DGCR2: variants seen among roughly 807,000 people sequenced by gnomAD.
The protein encoded by DGCR2 is DiGeorge syndrome critical region gene 2, also known as integral membrane protein DGCR2/IDD.
DGCR2 carries 24 observed loss-of-function variants against 51.6 expected under a neutral mutation model. That is an observed-to-expected ratio of 0.47 (90% CI 0.34 to 0.65). DGCR2 has a LOEUF of 0.65. Among genes scored for constraint, DGCR2 ranks in the 30% least tolerant of loss-of-function variants. The pLI is 0.01. For missense variants in DGCR2, 765 were observed against 772.1 expected, an observed-to-expected ratio of 0.99 and a Z score of 0.11; for synonymous variants, 340 against 315.4, an observed-to-expected ratio of 1.08 and a Z score of -0.82.
chr22:19,062,911 T>C (rs569482276), intron 5 of DGCR2, among the ~76,000 whole-genome samples: 1 of 151,996 alleles, frequency 6.6e-6, no homozygotes, highest in Non-Finnish European at 1.5e-5. Context: ...TGCATGCTCA[T>C]TTTTATACTC....
At chr22:19,052,310 G>A (rs1045708050) in intron 6 of DGCR2, among the ~76,000 whole-genome samples, 21 of 152,146 alleles carry the variant, frequency 1.4e-4, no homozygotes, top group African/African-American at 4.8e-4. Flanking sequence ...CAGCTACTCG[G>A]GAGGCTGAGA....
At chr22:19,062,678 GGGAATGTAAA>G in intron 5 of DGCR2, among the ~76,000 whole-genome samples, 1 of 151,790 alleles carries the variant, frequency 6.6e-6, no homozygotes, top group South Asian at 2.1e-4. Flanking sequence ...TCCGAGCCCA[GGGAATGTAAA>G]GGAAACAGCA....
At position 19,038,020 on chromosome 22, in the gene DGCR2, C is replaced by T. The variant is rs535517103; in HGVS notation, c.*845G>A. 2 of 152,860 alleles carry T rather than the reference C, an allele frequency of 1.3e-5. No individual in the cohort carries two copies. The highest frequency in any genetic ancestry group is 4.8e-5 in the African/African-American group (2 of 41,558). The allele number at this position is 152,860 out of a possible 1,614,324, so 9.5% of individuals were successfully genotyped here. On this transcript the variant is annotated 3_prime_UTR_variant, in exon 10 of 10. Coordinates refer to ENST00000263196, the MANE Select transcript of DGCR2 (RefSeq NM_005137.3). The stretch of plus-strand genomic sequence containing the variant: ...AACAGGAGGCAAGAGCCCAGGGCTC[C>T]AGAGTGGAGAGACAGGAGGCAGCTC...
intron 5 of DGCR2, among the ~76,000 whole-genome samples, chr22:19,062,800 C>CTA (rs2082692755): frequency 1.4e-5 from 2 of 146,030 alleles, no homozygotes; most frequent in East Asian, 1.9e-4. Context: ...CTCTCTCTCT[C>CTA]TCTCTCTATC....
intron 2 of DGCR2, among the ~76,000 whole-genome samples, chr22:19,082,411 A>G (rs2082949855): frequency 6.6e-6 from 1 of 151,888 alleles, no homozygotes; most frequent in Non-Finnish European, 1.5e-5. Flanking sequence ...TAGCAAATTC[A>G]GTCATTTTTA....
intron 2 of DGCR2, among the ~76,000 whole-genome samples, chr22:19,070,569 T>G (rs755075437): frequency 3.3e-5 from 5 of 152,188 alleles, no homozygotes; most frequent in African/African-American, 1.2e-4. Context: ...GGGACAGTGC[T>G]GCCAGGTCAC....
chr22:19,095,883 C>T (rs1046499085), intron 1 of DGCR2, among the ~76,000 whole-genome samples: 2 of 152,158 alleles, frequency 1.3e-5, no homozygotes, highest in African/African-American at 2.4e-5. Context: ...TAAATTGAAT[C>T]ATGGCCCACC....
At chr22:19,042,397 C>G (rs930687358) in intron 7 of DGCR2, among the ~76,000 whole-genome samples, 1 of 152,238 alleles carries the variant, frequency 6.6e-6, no homozygotes, top group Non-Finnish European at 1.5e-5. Flanking sequence ...CCAACAGCAG[C>G]CTTCCTTTTG....
At chr22:19,043,550 G>T (rs1319196492) in intron 7 of DGCR2, among the ~76,000 whole-genome samples, 1 of 152,312 alleles carries the variant, frequency 6.6e-6, no homozygotes, top group East Asian at 1.9e-4. Context: ...CCCAGAAGTA[G>T]CTTCCTCCAC....
At chr22:19,079,734 T>C (rs773680394) in intron 2 of DGCR2, among the ~76,000 whole-genome samples, 17 of 152,250 alleles carry the variant, frequency 1.1e-4, no homozygotes, top group Admixed American at 5.2e-4. Flanking sequence ...CAGTAAGTGG[T>C]GAAAGCAGGG....
chr22:19,106,122 C>T (rs2083259130), intron 1 of DGCR2, among the ~76,000 whole-genome samples: 1 of 152,140 alleles, frequency 6.6e-6, no homozygotes, highest in African/African-American at 2.4e-5. Flanking sequence ...GCTCCTGGCC[C>T]GTGCAACCCT....
At chr22:19,063,353 G>GT (rs2082708902) in intron 4 of DGCR2, 75 bp from the exon 5 acceptor site, 6 of 1,449,292 alleles carry the variant, frequency 4.1e-6, no homozygotes, top group African/African-American at 1.4e-5. Context: ...TGTGTTTTTT[G>GT]TTTTTTGAGA....
intron 8 of DGCR2, 123 bp downstream of exon 8, chr22:19,041,681 CCCA>C: frequency 8.9e-7 from 1 of 1,121,950 alleles, no homozygotes; most frequent in Non-Finnish European, 1.3e-6. Context: ...GGACACAGAC[CCCA>C]CAACATGTGG....
At chr22:19,101,201 G>A (rs923178048) in intron 1 of DGCR2, among the ~76,000 whole-genome samples, 8 of 152,136 alleles carry the variant, frequency 5.3e-5, no homozygotes, top group Admixed American at 3.9e-4. Context: ...AAATGCTCAC[G>A]ATTCCACTCA....
chr22:19,062,779 A>ATTCATTTTCTCTCTCTC, intron 5 of DGCR2, among the ~76,000 whole-genome samples: 1 of 127,354 alleles, frequency 7.9e-6, no homozygotes, highest in Non-Finnish European at 1.8e-5. Flanking sequence ...ATGCATGCTC[A>ATTCATTTTCTCTCTCTC]CTCTCTCTCT....
chr22:19,058,532 C>T (rs1344685544), intron 5 of DGCR2, among the ~76,000 whole-genome samples: 1 of 152,222 alleles, frequency 6.6e-6, no homozygotes, highest in Non-Finnish European at 1.5e-5. Context: ...CCACAGATGC[C>T]TTCTCACCTA....
chr22:19,063,464 G>A (rs1458525017), intron 4 of DGCR2, among the ~76,000 whole-genome samples, 186 bp from the exon 5 acceptor site: 2 of 151,756 alleles, frequency 1.3e-5, no homozygotes, highest in Non-Finnish European at 2.9e-5. Context: ...TCAGCCTCCC[G>A]AGTAGGTGGG....
chr22:19,122,175 A>G lies in DGCR2; in HGVS notation c.32T>C (p.Leu11Pro). 1.3e-6 allele frequency: 2 copies of G among 1,511,818 alleles called. No homozygotes were observed. The highest frequency in any genetic ancestry group is 1.2e-5 in the South Asian group (1 of 80,678). The allele number at this position is 1,511,818 out of a possible 1,614,324, so 93.7% of individuals were successfully genotyped here. Residue 11 changes from leucine to proline, a missense_variant, in exon 1 of 10, where the codon CTG becomes CCG. Transcript: ENST00000263196. ...AGTGAGCACGAGCAGGAAGAGCAGC[A>G]GGAAGGCGCCGCTGTCTGCCTTGGG... MVPKADSGAF[L>P]LLFLLVLTVT...
chr22:19,049,525 C>T (rs2082526313), intron 6 of DGCR2, among the ~76,000 whole-genome samples: 1 of 152,050 alleles, frequency 6.6e-6, no homozygotes, highest in South Asian at 2.1e-4. Context: ...CAGGTCTATG[C>T]CTCACTTAAG....
Sources: allele counts gnomAD v4.1 joint callset (sites outside exome capture counted in the v4.1 genomes callset), GRCh38; gene constraint gnomAD v4.1.1; transcripts MANE v1.5; gene names NCBI Gene and HGNC (gene_info 2026-07-23, HGNC 2026-07-21).